MYO18B: variants seen among roughly 807,000 people sequenced by gnomAD.
The protein encoded by MYO18B is myosin XVIIIB, also known as unconventional myosin-XVIIIb.
In MYO18B, 204 loss-of-function variants were observed where a neutral mutation model predicts 273.0. That is an observed-to-expected ratio of 0.75 (90% CI 0.67 to 0.84). The LOEUF is 0.84. Ranked by LOEUF, MYO18B falls within the 40% of genes least tolerant of loss-of-function variation. The pLI is 0.00. For missense variants in MYO18B, 3,212 were observed against 3,287.6 expected (o/e 0.98, Z 0.56); for synonymous variants, 1,330 against 1,305.7 (o/e 1.02, Z -0.40).
chr22:25,893,272 G>T (rs559551006), intron 27 of MYO18B, among the ~76,000 whole-genome samples: 1 of 152,328 alleles, frequency 6.6e-6, no homozygotes, highest in African/African-American at 2.4e-5. Flanking sequence ...TTTGTGATAT[G>T]CACTCAGCGT....
chr22:25,977,379 C>G (rs1030723481), intron 39 of MYO18B, among the ~76,000 whole-genome samples: 5 of 151,736 alleles, frequency 3.3e-5, no homozygotes, highest in Non-Finnish European at 7.4e-5. Flanking sequence ...AGTAGAGTCT[C>G]TCCTGGGACT....
At chr22:26,009,295 C>T (rs954170593) in intron 42 of MYO18B, among the ~76,000 whole-genome samples, 1 of 152,160 alleles carries the variant, frequency 6.6e-6, no homozygotes, top group African/African-American at 2.4e-5. Context: ...TTCTTTCTCC[C>T]TAAAACACTC....
At chr22:25,820,752 T>C (rs571205183) in intron 12 of MYO18B, among the ~76,000 whole-genome samples, 67 of 152,312 alleles carry the variant, frequency 4.4e-4, no homozygotes, top group African/African-American at 1.6e-3. Flanking sequence ...TACAATGCTA[T>C]AGAACACTAG....
At chr22:26,033,575 T>C (rs1283534037), downstream of MYO18B, among the ~76,000 whole-genome samples, 3 of 152,162 alleles carry the variant, frequency 2.0e-5, no homozygotes, top group Admixed American at 2.0e-4. Context: ...TATGCAGCAG[T>C]AAACAGAAAT....
intron 15 of MYO18B, among the ~76,000 whole-genome samples, chr22:25,831,653 G>C (rs1055696604): frequency 6.6e-6 from 1 of 152,172 alleles, no homozygotes; most frequent in Non-Finnish European, 1.5e-5. Context: ...AAAGTGCTTG[G>C]ATTACAGGCA....
intron 40 of MYO18B, among the ~76,000 whole-genome samples, chr22:25,998,872 C>G (rs891393082): frequency 2.0e-5 from 3 of 152,148 alleles, no homozygotes; most frequent in African/African-American, 7.2e-5. Flanking sequence ...CCATATAACA[C>G]CTGTTTAAAT....
At chr22:25,859,735 A>T (rs918473433) in intron 21 of MYO18B, among the ~76,000 whole-genome samples, 1 of 151,694 alleles carries the variant, frequency 6.6e-6, no homozygotes, top group Admixed American at 6.6e-5. Flanking sequence ...GAGTTGTACT[A>T]GTTCTTTATT....
chr22:26,055,046 A>G, the MYO18B span, among the ~76,000 whole-genome samples: 1 of 152,022 alleles, frequency 6.6e-6, no homozygotes, highest in African/African-American at 2.4e-5. Context: ...AGATGTTCAC[A>G]CCCCTCAGGC....
chr22:25,823,888 G>C (rs1477803866), intron 13 of MYO18B, among the ~76,000 whole-genome samples: 2 of 152,222 alleles, frequency 1.3e-5, no homozygotes, highest in African/African-American at 4.8e-5. Context: ...TGGCCATGAA[G>C]GCTGCTGAAA....
intron 42 of MYO18B, among the ~76,000 whole-genome samples, chr22:26,025,985 T>C (rs1936210927): frequency 6.6e-6 from 1 of 152,212 alleles, no homozygotes; most frequent in African/African-American, 2.4e-5. Flanking sequence ...GGGTATCCCG[T>C]GGAGACACAT....
At chr22:25,750,183 G>A (rs941996319) in intron 1 of MYO18B, among the ~76,000 whole-genome samples, 3 of 152,168 alleles carry the variant, frequency 2.0e-5, no homozygotes, top group Admixed American at 6.5e-5. Flanking sequence ...AGCTGCTGCC[G>A]CAACAGGAGA....
intron 39 of MYO18B, among the ~76,000 whole-genome samples, chr22:25,961,545 C>T (rs2092918415): frequency 6.6e-6 from 1 of 152,160 alleles, no homozygotes; most frequent in Admixed American, 6.5e-5. Flanking sequence ...AAATAATATT[C>T]TGGCTGTAGA....
At chr22:25,796,113 T>C (rs2087897208) in intron 11 of MYO18B, among the ~76,000 whole-genome samples, 1 of 152,188 alleles carries the variant, frequency 6.6e-6, no homozygotes, top group Non-Finnish European at 1.5e-5. Flanking sequence ...CATTCCCGGC[T>C]CACTTCCTTT....
intron 25 of MYO18B, among the ~76,000 whole-genome samples, chr22:25,888,015 CT>C (rs1186842915): frequency 2.0e-5 from 3 of 152,126 alleles, no homozygotes; most frequent in African/African-American, 7.2e-5. Context: ...TTGCACCTCC[CT>C]GTATTGTGTG....
At chr22:25,976,085 A>G (rs1298943461) in intron 39 of MYO18B, among the ~76,000 whole-genome samples, 1 of 152,152 alleles carries the variant, frequency 6.6e-6, no homozygotes, top group African/African-American at 2.4e-5. Flanking sequence ...ATCTGGAGAC[A>G]TTTTTGGCTG....
intron 2 of MYO18B, 40 bp from the exon 3 acceptor site, chr22:25,763,191 G>C: frequency 6.2e-7 from 1 of 1,610,230 alleles, no homozygotes; most frequent in Non-Finnish European, 8.5e-7. Flanking sequence ...CCTGCTGGTT[G>C]ACTCACTGAG....
chr22:25,923,011 C>T (rs1248920361), intron 34 of MYO18B, among the ~76,000 whole-genome samples: 1 of 152,218 alleles, frequency 6.6e-6, no homozygotes, highest in Non-Finnish European at 1.5e-5. Flanking sequence ...CATACCTGCC[C>T]AGTCTCCTCT....
In MYO18B at chr22:25,921,242, C is replaced by T. The variant is rs2092336396; in HGVS notation, c.5365-15C>T. The T allele has an allele frequency of 1.9e-6, 3 of 1,548,790 alleles. No individual in the cohort carries two copies. Among genetic ancestry groups the T allele is most frequent in the Non-Finnish European group, 2.6e-6 (3 of 1,144,590 alleles). ...CTTTGCCACCTAAGCTCATGGGTCT[C>T]CCTTTGGCTTTCAGATTGGCCATCG... On this transcript the variant is annotated splice_polypyrimidine_tract_variant and intron_variant, in intron 33 of 43. Coordinates refer to ENST00000335473, the MANE Select transcript of MYO18B (RefSeq NM_032608.7).
At chr22:25,955,086 A>T (rs979850517) in intron 38 of MYO18B, 93 bp from the exon 39 acceptor site, 10 of 1,314,034 alleles carry the variant, frequency 7.6e-6, no homozygotes, top group African/African-American at 1.5e-5. Flanking sequence ...AAAACACAGG[A>T]AACTCGGCAA....
Sources: gnomAD v4.1 joint callset for allele counts (sites outside exome capture counted in the v4.1 genomes callset) on GRCh38, gnomAD v4.1.1 for gene constraint, MANE v1.5 for transcripts, NCBI Gene and HGNC (gene_info 2026-07-23, HGNC 2026-07-21) for gene names.